Variants in PPFIA2 observed in about 807,000 individuals in gnomAD.
PPFIA2 encodes the protein liprin-alpha-2.
Under a neutral mutation model 175.5 loss-of-function variants are expected in PPFIA2, and 46 were observed. The ratio of observed to expected loss-of-function variants is 0.26; its 90% confidence interval spans 0.21 to 0.34. The LOEUF (loss-of-function observed/expected upper bound fraction) is 0.34, where lower values mean the gene tolerates loss of function less well. PPFIA2 is among the 10% of genes least tolerant of loss of function. The pLI, the probability that PPFIA2 is intolerant of heterozygous loss-of-function variation, is 1.00. For synonymous variants in PPFIA2, 568 were observed against 511.4 expected (o/e 1.11, Z -1.49); for missense variants, 1,179 against 1,506.1 (o/e 0.78, Z 3.60).
At chr12:81,683,839 T>G (rs1290678721) in intron 3 of PPFIA2, among the ~76,000 whole-genome samples, 1 of 152,060 alleles carries the variant, frequency 6.6e-6, no homozygotes, top group Non-Finnish European at 1.5e-5. Flanking sequence ...AGTTCAAGAT[T>G]GGACTTCTGC....
At position 81,384,414 on chromosome 12, in the gene PPFIA2, C is replaced by T. The variant is rs562890300; in HGVS notation, c.763-170G>A. ...AGTTTCTAAGGAAACTGTTAATTGA[C>T]ATTAAAATATGAAGGTAGATCAGTA... is the stretch of plus-strand genomic sequence containing the variant. On this transcript the variant is annotated intron_variant, in intron 8 of 32. Coordinates refer to ENST00000549396, the MANE Select transcript of PPFIA2 (RefSeq NM_003625.5). Among the ~76,000 whole-genome samples, 5 of 152,140 alleles carry T rather than the reference C, an allele frequency of 3.3e-5. No homozygotes were observed. The East Asian group carries it at 7.7e-4, about 24-fold the overall frequency.
chr12:81,519,759 A>G (rs993100639), intron 4 of PPFIA2, among the ~76,000 whole-genome samples: 4 of 152,206 alleles, frequency 2.6e-5, no homozygotes, highest in Non-Finnish European at 5.9e-5. Flanking sequence ...TAACGAAGAA[A>G]GATTAATTTT....
chr12:81,466,745 G>A (rs2055706825), intron 4 of PPFIA2, among the ~76,000 whole-genome samples: 2 of 151,802 alleles, frequency 1.3e-5, no homozygotes, highest in South Asian at 4.1e-4. Flanking sequence ...AACGTATTTG[G>A]AGGCAAGGTA....
chr12:81,678,164 G>A (rs1596317551), intron 3 of PPFIA2, among the ~76,000 whole-genome samples: 1 of 151,724 alleles, frequency 6.6e-6, no homozygotes. Context: ...TGGAAAGACA[G>A]GGATGAAGAG....
intron 4 of PPFIA2, among the ~76,000 whole-genome samples, chr12:81,536,800 A>G (rs942408851): frequency 6.8e-6 from 1 of 147,134 alleles, no homozygotes; most frequent in Non-Finnish European, 1.5e-5. Flanking sequence ...TAACTTCTCC[A>G]TTAGAAAATT....
chr12:81,563,322 C>T (rs748176278), intron 4 of PPFIA2, among the ~76,000 whole-genome samples: 2 of 152,142 alleles, frequency 1.3e-5, no homozygotes, highest in South Asian at 2.1e-4. Flanking sequence ...TTTACTAACA[C>T]GTGCTTTTCA....
intron 4 of PPFIA2, among the ~76,000 whole-genome samples, chr12:81,486,306 C>T (rs894671654): frequency 1.3e-5 from 2 of 151,798 alleles, no homozygotes; most frequent in Non-Finnish European, 2.9e-5. Flanking sequence ...AGTACTCGAA[C>T]CCAGCTAGCT....
intron 4 of PPFIA2, among the ~76,000 whole-genome samples, chr12:81,589,046 G>A (rs1052210956): frequency 2.4e-4 from 36 of 152,042 alleles, no homozygotes; most frequent in African/African-American, 8.7e-4. Context: ...CAGAATACCA[G>A]CAATGACTAT....
intron 4 of PPFIA2, among the ~76,000 whole-genome samples, chr12:81,458,783 A>T (rs1421743802): frequency 6.6e-6 from 1 of 152,110 alleles, no homozygotes; most frequent in Non-Finnish European, 1.5e-5. Flanking sequence ...ACAAATATTT[A>T]TTTTTTTAAA....
chr12:81,718,794 G>A (rs2078970659), intron 3 of PPFIA2, among the ~76,000 whole-genome samples: 1 of 151,640 alleles, frequency 6.6e-6, no homozygotes, highest in African/African-American at 2.4e-5. Flanking sequence ...TGGCAAAACT[G>A]TGAGAGGATG....
chr12:81,626,843 C>T (rs1354297905), intron 4 of PPFIA2, among the ~76,000 whole-genome samples: 4 of 152,032 alleles, frequency 2.6e-5, no homozygotes, highest in Admixed American at 2.6e-4. Flanking sequence ...ATTCTCTAGA[C>T]ACTTTTTCAT....
At chr12:81,445,414 TAA>T in intron 6 of PPFIA2, 140 bp downstream of exon 6, 1 of 724,522 alleles carries the variant, frequency 1.4e-6, no homozygotes, top group Non-Finnish European at 2.2e-6. Context: ...TTTTCACTTT[TAA>T]AAAATGATTT....
At chr12:81,635,292 A>G (rs895229130) in intron 4 of PPFIA2, among the ~76,000 whole-genome samples, 5 of 152,228 alleles carry the variant, frequency 3.3e-5, no homozygotes, top group Admixed American at 2.0e-4. Context: ...TTTGACTTCA[A>G]AAATAAATAA....
intron 8 of PPFIA2, among the ~76,000 whole-genome samples, chr12:81,390,419 C>G (rs2039904037): frequency 6.6e-6 from 1 of 151,908 alleles, no homozygotes; most frequent in Non-Finnish European, 1.5e-5. Flanking sequence ...TCTAATTTTC[C>G]ACATCTTCAC....
intron 22 of PPFIA2, among the ~76,000 whole-genome samples, chr12:81,306,222 GA>G (rs941937713): frequency 1.3e-4 from 19 of 149,274 alleles, no homozygotes; most frequent in African/African-American, 3.7e-4. Context: ...TGACATTAAA[GA>G]AAAAAAAAAT....
At chr12:81,332,611 T>C (rs1035676943) in intron 21 of PPFIA2, among the ~76,000 whole-genome samples, 2 of 152,206 alleles carry the variant, frequency 1.3e-5, no homozygotes, top group Non-Finnish European at 2.9e-5. Context: ...TTATTATTTA[T>C]TCATTTATAT....
intron 7 of PPFIA2, among the ~76,000 whole-genome samples, chr12:81,409,919 T>TA (rs2043612331): frequency 6.6e-6 from 1 of 152,170 alleles, no homozygotes; most frequent in Admixed American, 6.6e-5. Flanking sequence ...GGTTTGAATA[T>TA]ATGCCCTCCT....
intron 4 of PPFIA2, among the ~76,000 whole-genome samples, chr12:81,573,529 G>A (rs2072957208): frequency 1.3e-5 from 2 of 151,906 alleles, no homozygotes; most frequent in Admixed American, 6.6e-5. Context: ...TGCAGAATCA[G>A]TAACTAGGTT....
intron 3 of PPFIA2, among the ~76,000 whole-genome samples, chr12:81,744,390 G>A (rs1022463893): frequency 1.1e-4 from 16 of 151,306 alleles, no homozygotes; most frequent in Admixed American, 1.1e-3. Context: ...AAAACTTAGA[G>A]GTAGTCATGA....
Sources: allele counts gnomAD v4.1 joint callset (sites outside exome capture counted in the v4.1 genomes callset), GRCh38; gene constraint gnomAD v4.1.1; transcripts MANE v1.5; gene names NCBI Gene and HGNC (gene_info 2026-07-23, HGNC 2026-07-21).